GPAM: variants seen among roughly 807,000 people sequenced by gnomAD.
GPAM encodes the protein glycerol-3-phosphate acyltransferase, mitochondrial.
Under a neutral mutation model 105.0 loss-of-function variants are expected in GPAM, and 56 were observed. The ratio of observed to expected loss-of-function variants is 0.53; its 90% CI spans 0.43 to 0.67. The LOEUF is 0.67. Among genes scored for constraint, GPAM ranks in the 30% least tolerant of loss-of-function variants. The probability of loss-of-function intolerance (pLI) is 0.00; values close to 1 mark genes in which losing one functional copy is unlikely to be tolerated. For synonymous variants in GPAM, 368 were observed against 354.4 expected, an observed-to-expected ratio of 1.04 and a Z score of -0.43; for missense variants, 855 against 989.8, an observed-to-expected ratio of 0.86 and a Z score of 1.83.
At chr10:112,174,514 C>T (rs1847369350) in intron 6 of GPAM, among the ~76,000 whole-genome samples, 1 of 152,220 alleles carries the variant, frequency 6.6e-6, no homozygotes, top group Non-Finnish European at 1.5e-5. Context: ...CCACTTCTAA[C>T]ATCCCAGTTA....
chr10:112,178,128 T>C, intron 4 of GPAM, 71 bp from the exon 5 acceptor site: 1 of 801,496 alleles, frequency 1.2e-6, no homozygotes, highest in Non-Finnish European at 2.2e-6. Flanking sequence ...TCATTATGAG[T>C]TCTTGATAAC....
At position 112,160,845 on chromosome 10, in the gene GPAM, G is replaced by A. The variant is rs766261687; in HGVS notation, c.1518C>T (p.Val506=). The change falls in exon 16 of 22, where the codon GTC becomes GTT. Residue 506 remains valine (V), a synonymous_variant. Transcript: ENST00000348367. ...HRQGIDLSTL[V]EDFFVMKEEV... ...CCTCTTTCATCACAAAGAAGTCTTC[G>A]ACCAATGTGGAGAGATCAATTCCCT... 3.6e-5 allele frequency: 58 copies of A among 1,613,386 alleles called. No individual in the cohort carries two copies. Among genetic ancestry groups the A allele is most frequent in the East Asian group, 4.5e-5 (2 of 44,874 alleles).
chr10:112,220,853 TAC>T, the GPAM span, among the ~76,000 whole-genome samples: 849 of 145,502 alleles, frequency 5.8e-3, 2 homozygotes, highest in Non-Finnish European at 9.3e-3. Context: ...AGATCTCAAA[TAC>T]ACACACACAC....
At chr10:112,189,983 T>C (rs1434720652) in intron 1 of GPAM, among the ~76,000 whole-genome samples, 2 of 152,300 alleles carry the variant, frequency 1.3e-5, no homozygotes, top group East Asian at 3.9e-4. Context: ...ATTTAAACAA[T>C]TAATCAAAAA....
intron 4 of GPAM, 99 bp downstream of exon 4, chr10:112,180,374 G>T: frequency 8.7e-7 from 1 of 1,142,994 alleles, no homozygotes; most frequent in African/African-American, 1.5e-5. Context: ...ATGGGTCTCT[G>T]TTCTGAAAGT....
At chr10:112,185,073 A>C (rs984585973), upstream of GPAM, among the ~76,000 whole-genome samples, 2 of 152,196 alleles carry the variant, frequency 1.3e-5, no homozygotes, top group African/African-American at 2.4e-5. Context: ...GGAAAACCTC[A>C]TAATTCACAA....
At chr10:112,225,902 G>A in the GPAM span, among the ~76,000 whole-genome samples, 3 of 152,206 alleles carry the variant, frequency 2.0e-5, no homozygotes, top group East Asian at 3.9e-4. Flanking sequence ...TTATTAAATC[G>A]ATATAATGAA....
rs909014287 is a variant in GPAM, at chr10:112,155,007, G to T, written c.2312-320C>A. ...AAAACATCCATTTTCCAGGACTGTT[G>T]TGAGAATCAAATGAGATAGTGTATA... On this transcript the variant is annotated intron_variant, in intron 20 of 21. Coordinates refer to ENST00000348367, the MANE Select transcript of GPAM (RefSeq NM_001244949.2). 9.4e-6 allele frequency: 4 copies of T among 425,218 alleles called. No homozygotes were observed. The Admixed American group carries it at 1.5e-4, about 15-fold the overall frequency. The allele number at this position is 425,218 out of a possible 1,614,324, so 26.3% of individuals were successfully genotyped here.
intron 19 of GPAM, 135 bp from the exon 20 acceptor site, chr10:112,156,188 C>T: frequency 1.4e-6 from 1 of 693,040 alleles, no homozygotes; most frequent in South Asian, 1.5e-5. Context: ...TGAAAGCGGC[C>T]CCCTGCCCCT....
intron 1 of GPAM, among the ~76,000 whole-genome samples, chr10:112,208,620 G>A (rs955557283): frequency 6.6e-6 from 1 of 152,146 alleles, no homozygotes; most frequent in East Asian, 1.9e-4. Context: ...CTCCTGCATG[G>A]GTTTAGGCAT....
chr10:112,188,022 T>C (rs1847615292), upstream of GPAM, among the ~76,000 whole-genome samples: 2 of 152,100 alleles, frequency 1.3e-5, no homozygotes, highest in Non-Finnish European at 2.9e-5. Context: ...TATCATACTT[T>C]GAGGAATGCA....
chr10:112,189,071 T>C (rs1214523283), intron 1 of GPAM, among the ~76,000 whole-genome samples: 1 of 152,216 alleles, frequency 6.6e-6, no homozygotes, highest in East Asian at 1.9e-4. Context: ...AGCATTGCTC[T>C]ACAAGAATAT....
intron 11 of GPAM, among the ~76,000 whole-genome samples, chr10:112,167,246 A>G (rs1847234036): frequency 6.6e-6 from 1 of 152,204 alleles, no homozygotes. Context: ...TAAGTACCTC[A>G]GCCAAAATTT....
chr10:112,200,581 C>G (rs1415848891), intron 1 of GPAM, among the ~76,000 whole-genome samples: 1 of 152,078 alleles, frequency 6.6e-6, no homozygotes, highest in Non-Finnish European at 1.5e-5. Flanking sequence ...CATGAACAAC[C>G]ATGCCCGGCT....
Position 112,168,836 on chromosome 10 carries a change from T to G in GPAM, c.894+17A>C, listed in dbSNP as rs79065667. Reference sequence around the variant, plus strand: ...ACCAACACAATGTCCCTAAGGATAATTAGAGATCACACATACCCCATGGAG... The same window carrying G: ...ACCAACACAATGTCCCTAAGGATAAGTAGAGATCACACATACCCCATGGAG... On this transcript the variant is annotated intron_variant, in intron 10 of 21. Coordinates refer to ENST00000348367, the MANE Select transcript of GPAM (RefSeq NM_001244949.2). 1,230 of 1,432,048 alleles carry G rather than the reference T, an allele frequency of 8.6e-4. 10 individuals carry two copies. In the African/African-American group the frequency reaches 0.015, roughly 17 times the overall value. 88.7% of individuals were successfully genotyped at this position (1,432,048 alleles called of 1,614,324 possible). A position where few individuals can be genotyped will look rare whatever the true frequency, so the allele number is the denominator to read the frequency against.
intron 1 of GPAM, among the ~76,000 whole-genome samples, chr10:112,200,244 TAGAGAGAGAGAG>T (rs59715102): frequency 1.6e-5 from 2 of 123,552 alleles, no homozygotes; most frequent in African/African-American, 3.1e-5. Flanking sequence ...TATATATATA[TAGAGAGAGAGAG>T]AGAGAGAGAG....
chr10:112,185,420 G>T (rs1041268968), upstream of GPAM, among the ~76,000 whole-genome samples: 1 of 151,004 alleles, frequency 6.6e-6, no homozygotes, highest in African/African-American at 2.4e-5. Context: ...AATTATGACT[G>T]TATTCAATGT....
intron 1 of GPAM, among the ~76,000 whole-genome samples, chr10:112,199,510 G>A: frequency 6.6e-6 from 1 of 152,134 alleles, no homozygotes; most frequent in East Asian, 1.9e-4. Flanking sequence ...ATGTATACTT[G>A]CAAATTGTTA....
At chr10:112,186,671 C>T (rs140118578), upstream of GPAM, among the ~76,000 whole-genome samples, 1,237 of 151,892 alleles carry the variant, frequency 8.1e-3, 12 homozygotes, top group African/African-American at 0.026. Context: ...CTCAGCCTCC[C>T]GAGTAGCTGG....
Sources: gnomAD v4.1 joint callset for allele counts (sites outside exome capture counted in the v4.1 genomes callset) on GRCh38, gnomAD v4.1.1 for gene constraint, MANE v1.5 for transcripts, NCBI Gene and HGNC (gene_info 2026-07-23, HGNC 2026-07-21) for gene names.